Variants in SLC25A21 observed in about 807,000 individuals in gnomAD.
The protein encoded by SLC25A21 is mitochondrial 2-oxodicarboxylate carrier.
Under a neutral mutation model 43.8 loss-of-function variants are expected in SLC25A21, and 47 were observed. The ratio of observed to expected loss-of-function variants is 1.07; its 90% CI spans 0.85 to 1.37. The LOEUF (loss-of-function observed/expected upper bound fraction) is 1.37, where lower values mean the gene tolerates loss of function less well. Among genes scored for constraint, SLC25A21 ranks in the 40% most tolerant of loss-of-function variants. The probability of loss-of-function intolerance (pLI) is 0.00; values close to 1 mark genes in which losing one functional copy is unlikely to be tolerated. For synonymous variants in SLC25A21, 131 were observed against 121.3 expected (o/e 1.08, Z -0.52); for missense variants, 352 against 350.2 (o/e 1.00, Z -0.04).
At chr14:36,991,196 G>T (rs1219224307) in intron 1 of SLC25A21, among the ~76,000 whole-genome samples, 1 of 152,178 alleles carries the variant, frequency 6.6e-6, no homozygotes, top group African/African-American at 2.4e-5. Flanking sequence ...GCTGGTTTCT[G>T]TACAAAGCTG....
intron 1 of SLC25A21, among the ~76,000 whole-genome samples, chr14:36,947,090 T>A (rs1210735269): frequency 6.6e-6 from 1 of 152,210 alleles, no homozygotes; most frequent in Non-Finnish European, 1.5e-5. Context: ...GTTTCAATTC[T>A]AGCCTTTTGA....
chr14:36,697,006 T>C (rs1883056450), intron 7 of SLC25A21, among the ~76,000 whole-genome samples: 1 of 152,222 alleles, frequency 6.6e-6, no homozygotes, highest in Admixed American at 6.5e-5. Context: ...GATGTTAGGG[T>C]GTCGATTTTA....
chr14:37,061,125 G>C (rs949792525), intron 1 of SLC25A21, among the ~76,000 whole-genome samples: 2 of 152,116 alleles, frequency 1.3e-5, no homozygotes, highest in African/African-American at 4.8e-5. Flanking sequence ...GATTCTTATG[G>C]TAACAGTCCC....
At chr14:36,899,978 C>T (rs1202668638) in intron 1 of SLC25A21, among the ~76,000 whole-genome samples, 2 of 152,092 alleles carry the variant, frequency 1.3e-5, no homozygotes, top group Admixed American at 6.5e-5. Context: ...TTTGTCAGGA[C>T]TCTTTTGGTT....
chr14:36,982,419 G>A (rs1960048615), intron 1 of SLC25A21, among the ~76,000 whole-genome samples: 5 of 151,976 alleles, frequency 3.3e-5, no homozygotes, highest in Admixed American at 3.3e-4. Flanking sequence ...CATCCTGTTG[G>A]GGCTCGCACA....
intron 5 of SLC25A21, 137 bp from the exon 6 acceptor site, chr14:36,725,814 C>G (rs1251189711): frequency 2.7e-6 from 1 of 365,338 alleles, no homozygotes; most frequent in Non-Finnish European, 4.7e-6. Context: ...TATTCCATTA[C>G]TAAACAGCTT....
intron 1 of SLC25A21, among the ~76,000 whole-genome samples, chr14:37,041,135 AAGAT>A (rs1418116506): frequency 1.3e-5 from 2 of 152,148 alleles, no homozygotes; most frequent in Admixed American, 6.5e-5. Context: ...TGTGGGGAAA[AAGAT>A]AGCTCATATA....
chr14:37,121,069 G>A (rs1280624809), intron 1 of SLC25A21, among the ~76,000 whole-genome samples: 1 of 152,166 alleles, frequency 6.6e-6, no homozygotes, highest in African/African-American at 2.4e-5. Context: ...GTGACCTGAA[G>A]AAATGTCCCA....
In SLC25A21 at chr14:36,860,262, G is replaced by A. The variant is rs115881501; in HGVS notation, c.119+14694C>T. Among the ~76,000 whole-genome samples the A allele has an allele frequency of 8.6e-3, 1,310 of 152,212 alleles. 14 individuals are homozygous for A. Among genetic ancestry groups the A allele is most frequent in the African/African-American group, 0.027 (1,117 of 41,514 alleles). On this transcript the variant is annotated intron_variant, in intron 2 of 9. Coordinates refer to ENST00000331299, the MANE Select transcript of SLC25A21 (RefSeq NM_030631.4). ...AAGAAGCCAGTCACTCCAGGAAAAA[G>A]GGATTCCAAGAACACAGGTCCTGAG...
At chr14:36,849,934 C>T (rs964208942) in intron 2 of SLC25A21, among the ~76,000 whole-genome samples, 1 of 152,134 alleles carries the variant, frequency 6.6e-6, no homozygotes, top group African/African-American at 2.4e-5. Flanking sequence ...AAATCTTTAT[C>T]GTTCTCCAGC....
intron 7 of SLC25A21, among the ~76,000 whole-genome samples, chr14:36,694,393 A>G (rs1048660475): frequency 2.0e-5 from 3 of 152,214 alleles, no homozygotes; most frequent in Non-Finnish European, 4.4e-5. Context: ...GTGTCTTTAT[A>G]GTAGCATGAT....
chr14:36,868,701 A>G (rs951837022), intron 2 of SLC25A21, among the ~76,000 whole-genome samples: 1 of 152,208 alleles, frequency 6.6e-6, no homozygotes, highest in South Asian at 2.1e-4. Context: ...AAACGACAGT[A>G]TGTCAGTCCC....
chr14:36,958,679 GCACACACACACACA>G (rs71124786), intron 1 of SLC25A21, among the ~76,000 whole-genome samples: 105 of 136,968 alleles, frequency 7.7e-4, no homozygotes, highest in Non-Finnish European at 1.0e-3. Context: ...AAGCACACGT[GCACACACACACACA>G]CACACACACA....
At chr14:37,137,545 A>C in intron 1 of SLC25A21, among the ~76,000 whole-genome samples, 2 of 152,342 alleles carry the variant, frequency 1.3e-5, no homozygotes, top group Admixed American at 1.3e-4. Context: ...GATTGTATTA[A>C]GATAAAATAT....
At chr14:37,081,861 A>G (rs1320242646) in intron 1 of SLC25A21, among the ~76,000 whole-genome samples, 1 of 152,218 alleles carries the variant, frequency 6.6e-6, no homozygotes, top group African/African-American at 2.4e-5. Flanking sequence ...TTACCACACC[A>G]GAATCTCTTC....
chr14:37,096,205 A>G (rs1021898003), intron 1 of SLC25A21, among the ~76,000 whole-genome samples: 1 of 152,220 alleles, frequency 6.6e-6, no homozygotes, highest in Admixed American at 6.5e-5. Context: ...GATCAAACTT[A>G]TAAAAGTATT....
intron 3 of SLC25A21, among the ~76,000 whole-genome samples, chr14:36,753,704 A>C (rs17105222): frequency 0.014 from 2,164 of 152,308 alleles, 55 homozygotes; most frequent in African/African-American, 0.05. Flanking sequence ...ATCCACCAGA[A>C]GCAAAGCCAA....
chr14:36,951,549 C>T (rs1191447761), intron 1 of SLC25A21, among the ~76,000 whole-genome samples: 2 of 152,126 alleles, frequency 1.3e-5, no homozygotes, highest in Non-Finnish European at 2.9e-5. Flanking sequence ...CAGACACGTC[C>T]ATTCAACAAA....
At chr14:37,141,626 CTAG>C (rs1381437164) in intron 1 of SLC25A21, among the ~76,000 whole-genome samples, 1 of 152,024 alleles carries the variant, frequency 6.6e-6, no homozygotes, top group East Asian at 1.9e-4. Context: ...CATCTTTTTC[CTAG>C]TAGATTTACT....
Sources: allele counts gnomAD v4.1 joint callset (sites outside exome capture counted in the v4.1 genomes callset), GRCh38; gene constraint gnomAD v4.1.1; transcripts MANE v1.5; gene names NCBI Gene and HGNC (gene_info 2026-07-23, HGNC 2026-07-21).